Variants in DMAC1 observed in about 807,000 individuals in gnomAD.
The protein encoded by DMAC1 is distal membrane arm assembly component 1.
DMAC1 carries 10 observed loss-of-function variants against 7.0 expected under a neutral mutation model. The observed-to-expected ratio is 1.43, with a 90% CI of 0.88 to 2.43. The LOEUF (loss-of-function observed/expected upper bound fraction) is 2.43. Ranked by LOEUF, DMAC1 falls within the 30% of genes most tolerant of loss-of-function variation. The pLI is 0.00. For missense variants in DMAC1, 219 were observed against 158.7 expected, an observed-to-expected ratio of 1.38 and a Z score of -2.04; for synonymous variants, 92 against 66.2, an observed-to-expected ratio of 1.39 and a Z score of -1.90.
rs767832251 is a variant in DMAC1, at chr9:7,798,466, C to T, written c.*107G>A. On this transcript the variant is annotated 3_prime_UTR_variant, in exon 2 of 2. Coordinates refer to ENST00000358227, the MANE Select transcript of DMAC1 (RefSeq NM_033428.3). ...CTTGTAGTATCCACAGTAGTGATGTCTGTCCATGTACAAGTGTCTGTCCAG... is the reference window on the plus strand; with the variant it reads ...CTTGTAGTATCCACAGTAGTGATGTTTGTCCATGTACAAGTGTCTGTCCAG... 1.3e-5 allele frequency: 15 copies of T among 1,173,734 alleles called. No individual in the cohort carries two copies. The East Asian group carries it at 3.3e-4, about 26-fold the overall frequency. 72.7% of individuals were successfully genotyped at this position (1,173,734 alleles called of 1,614,324 possible).
In DMAC1 at chr9:7,799,630, C is replaced by G. The variant is rs747015103; in HGVS notation, c.105G>C (p.Pro35=). The G allele has an allele frequency of 6.2e-7, 1 of 1,612,958 alleles. No homozygotes were observed. The highest frequency in any genetic ancestry group is 8.5e-7 in the Non-Finnish European group (1 of 1,179,796). Reference sequence around the variant, plus strand: ...ACAGGCGGTGTTCTGCTGGGGAGGTCGGCGCTCCGGGTGTAGCTGGGGGCG... The same window carrying G: ...ACAGGCGGTGTTCTGCTGGGGAGGTGGGCGCTCCGGGTGTAGCTGGGGGCG... The part of the protein sequence containing the change: ...KPAPPATPGA[P]TSPAEHRLLK... The change falls in exon 1 of 2, where the codon CCG becomes CCC. Residue 35 remains proline, a synonymous_variant. Coordinates refer to ENST00000358227, the MANE Select transcript of DMAC1 (RefSeq NM_033428.3).
Position 7,796,967 on chromosome 9 carries a change from C to A in DMAC1, c.*1606G>T, listed in dbSNP as rs1246532231. 1 of 152,168 alleles carries A rather than the reference C, an allele frequency of 6.6e-6. No homozygotes were observed. Among genetic ancestry groups the A allele is most frequent in the Non-Finnish European group, 1.5e-5 (1 of 68,040 alleles). 9.4% of individuals were successfully genotyped at this position (152,168 alleles called of 1,614,324 possible). A position where few individuals can be genotyped will look rare whatever the true frequency, so the allele number is the denominator to read the frequency against. On this transcript the variant is annotated 3_prime_UTR_variant, in exon 2 of 2. Coordinates refer to ENST00000358227, the MANE Select transcript of DMAC1 (RefSeq NM_033428.3). ...TTCTCCACTGAGCAAATGTTCAGCG[C>A]TCTTAACTCCTGTGTTGTCCAAGGG...
Position 7,797,092 on chromosome 9 carries a change from G to C in DMAC1, c.*1481C>G, listed in dbSNP as rs1818622042. On this transcript the variant is annotated 3_prime_UTR_variant, in exon 2 of 2. Coordinates refer to ENST00000358227, the MANE Select transcript of DMAC1 (RefSeq NM_033428.3). ...TTGGTTTAACCAAAGAAAATGTTCA[G>C]GGACTAAAGCAGTCCATCAATAGAA... 6.6e-6 allele frequency: 1 copy of C among 152,170 alleles called. No individual in the cohort carries two copies. Among genetic ancestry groups the C allele is most frequent in the East Asian group, 1.9e-4 (1 of 5,198 alleles). The allele number at this position is 152,170 out of a possible 1,614,324, so 9.4% of individuals were successfully genotyped here.
Position 7,796,617 on chromosome 9 carries a change from TG to T in DMAC1, c.*1955del, listed in dbSNP as rs907562121. 28 of 152,340 alleles carry T rather than the reference TG, an allele frequency of 1.8e-4. No homozygotes were observed. The highest frequency in any genetic ancestry group is 6.7e-4 in the African/African-American group (28 of 41,576). 9.4% of individuals were successfully genotyped at this position (152,340 alleles called of 1,614,324 possible). On this transcript the variant is annotated 3_prime_UTR_variant, in exon 2 of 2. Transcript: ENST00000358227. ...TGACCCAAACAACACAGGTTTGAAC[TG>T]CGCAGGTCCACGTATCTGTGGATTT... is the stretch of plus-strand genomic sequence containing the variant.
chr9:7,796,761 A>T lies in DMAC1; in HGVS notation c.*1812T>A, dbSNP rs1012439876. 7.1e-6 allele frequency: 1 copy of T among 140,798 alleles called. No homozygotes were observed. Among genetic ancestry groups the T allele is most frequent in the Non-Finnish European group, 1.5e-5 (1 of 64,824 alleles). The allele number at this position is 140,798 out of a possible 1,614,324, so 8.7% of individuals were successfully genotyped here. A position where few individuals can be genotyped will look rare whatever the true frequency, so the allele number is the denominator to read the frequency against. ...TTCACTTCTACCTAACGAATAGTGAATATATTACTTCCTTAATAACATTTT... is the reference window on the plus strand; with the variant it reads ...TTCACTTCTACCTAACGAATAGTGATTATATTACTTCCTTAATAACATTTT... On this transcript the variant is annotated 3_prime_UTR_variant, in exon 2 of 2. Transcript: ENST00000358227.
rs1818703962 is a variant in DMAC1, at chr9:7,799,668, G to A, written c.67C>T (p.Pro23Ser). 4 of 1,607,222 alleles carry A rather than the reference G, an allele frequency of 2.5e-6. No homozygotes were observed. Among genetic ancestry groups the A allele is most frequent in the African/African-American group, 1.3e-5 (1 of 74,832 alleles). The change falls in exon 1 of 2, where the codon CCC (proline) becomes TCC (serine). Residue 23 changes from proline (P) to serine (S), a missense_variant. Physicochemically the swap from Pro to Ser is moderately conservative, Grantham distance 74. Transcript: ENST00000358227. ...GTAGCTGGGGGCGCAGGTTTGGCGG[G>A]CGCGGCGGCGGTACCGGGAGGCGCA... ...ITAPPGTAAA[P>S]AKPAPPATPG...
intron 1 of DMAC1, 62 bp downstream of exon 1, chr9:7,799,399 C>G: frequency 6.3e-7 from 1 of 1,581,542 alleles, no homozygotes; most frequent in South Asian, 1.1e-5. Context: ...CGTGGCTGCT[C>G]CGTTTCCTTC....
In DMAC1 at chr9:7,796,936, T is replaced by G. The variant is rs897466124; in HGVS notation, c.*1637A>C. The G allele has an allele frequency of 6.6e-6, 1 of 151,124 alleles. No individual in the cohort carries two copies. Among genetic ancestry groups the G allele is most frequent in the Non-Finnish European group, 1.5e-5 (1 of 67,648 alleles). 9.4% of individuals were successfully genotyped at this position (151,124 alleles called of 1,614,324 possible). On this transcript the variant is annotated 3_prime_UTR_variant, in exon 2 of 2. Transcript: ENST00000358227. Reference sequence around the variant, plus strand: ...TAAGTTTTTGAGGAGTCAGGTTATATGCAGATTCTCCACTGAGCAAATGTT... The same window carrying G: ...TAAGTTTTTGAGGAGTCAGGTTATAGGCAGATTCTCCACTGAGCAAATGTT...
At chr9:7,799,394 C>T in intron 1 of DMAC1, 67 bp downstream of exon 1, 1 of 1,568,690 alleles carries the variant, frequency 6.4e-7, no homozygotes, top group Non-Finnish European at 8.7e-7. Flanking sequence ...GCCCACGTGG[C>T]TGCTCCGTTT....
chr9:7,799,377 CCTCCCCG>C, intron 1 of DMAC1, 77 bp downstream of exon 1: 2 of 1,533,826 alleles, frequency 1.3e-6, no homozygotes, highest in South Asian at 1.2e-5. Flanking sequence ...CGCCTCCCCG[CCTCCCCG>C]CCCACGTGGC....
Position 7,799,712 on chromosome 9 carries a change from G to T in DMAC1, c.23C>A (p.Pro8His), listed in dbSNP as rs773479686. The change falls in exon 1 of 2, where the codon CCT becomes CAT. Residue 8 changes from proline (P) to histidine (H), a missense_variant. Coordinates refer to ENST00000358227, the MANE Select transcript of DMAC1 (RefSeq NM_033428.3). MGSRLSQPFESYITAPPG... is the reference protein window; with the variant it reads MGSRLSQHFESYITAPPG... ...AGGCGCAGTGATATAGGACTCAAAA[G>T]GCTGGGACAACCGAGACCCCATGCT... is the stretch of plus-strand genomic sequence containing the variant. 5 of 1,560,958 alleles carry T rather than the reference G, an allele frequency of 3.2e-6. No individual in the cohort carries two copies. The highest frequency in any genetic ancestry group is 2.3e-5 in the East Asian group (1 of 44,378).
chr9:7,799,404 T>C, intron 1 of DMAC1, 57 bp downstream of exon 1: 1 of 1,586,978 alleles, frequency 6.3e-7, no homozygotes, highest in Non-Finnish European at 8.6e-7. Context: ...CTGCTCCGTT[T>C]CCTTCCTCTA....
rs1211871090 is a variant in DMAC1 at position 7,796,881 on chromosome 9, C to T, written c.*1692G>A. 2.8e-5 allele frequency: 4 copies of T among 143,378 alleles called. No individual in the cohort carries two copies. In the East Asian group the frequency reaches 8.4e-4, roughly 30 times the overall value. The allele number at this position is 143,378 out of a possible 1,614,324, so 8.9% of individuals were successfully genotyped here. A position where few individuals can be genotyped will look rare whatever the true frequency, so the allele number is the denominator to read the frequency against. ...CAACTGCTTTATGTTATCAATAAGGCTTCCAGTCAATTGTAAACTAACTAC... is the reference window on the plus strand; with the variant it reads ...CAACTGCTTTATGTTATCAATAAGGTTTCCAGTCAATTGTAAACTAACTAC... On this transcript the variant is annotated 3_prime_UTR_variant, in exon 2 of 2. Transcript: ENST00000358227.
Position 7,799,759 on chromosome 9 carries a change from G to T in DMAC1, c.-25C>A. 1 of 1,500,546 alleles carries T rather than the reference G, an allele frequency of 6.7e-7. No homozygotes were observed. Among genetic ancestry groups the T allele is most frequent in the Non-Finnish European group, 8.8e-7 (1 of 1,130,610 alleles). 93.0% of individuals were successfully genotyped at this position (1,500,546 alleles called of 1,614,324 possible). The stretch of plus-strand genomic sequence containing the variant: ...TGCTCTGGAACTCGGCCTCAACCTT[G>T]GGCGTCTTTGGTTCAAACTGGCGTA... On this transcript the variant is annotated 5_prime_UTR_variant, in exon 1 of 2. Coordinates refer to ENST00000358227, the MANE Select transcript of DMAC1 (RefSeq NM_033428.3).
Position 7,799,479 on chromosome 9 carries a change from GCGTAATGGTCCATGGACT to G in DMAC1, c.238_255del (p.Ser80_Thr85del). On this transcript the variant is annotated inframe_deletion, in exon 1 of 2. Transcript: ENST00000358227. ...TTCTCACTGAGGCCGATGACCATCT[GCGTAATGGTCCATGGACT>G]CGGGGGGTATCCCATCTTCATGGGC... 5.0e-6 allele frequency: 8 copies of G among 1,612,894 alleles called. No individual in the cohort carries two copies. The highest frequency in any genetic ancestry group is 5.9e-6 in the Non-Finnish European group (7 of 1,180,014).
At position 7,796,526 on chromosome 9, in the gene DMAC1, AG is replaced by A. The variant is rs1348573154; in HGVS notation, c.*2046del. 1 of 152,238 alleles carries A rather than the reference AG, an allele frequency of 6.6e-6. No individual in the cohort carries two copies. Among genetic ancestry groups the A allele is most frequent in the Non-Finnish European group, 1.5e-5 (1 of 68,046 alleles). The allele number at this position is 152,238 out of a possible 1,614,324, so 9.4% of individuals were successfully genotyped here. ...TAATGGTGAGCAGGCAGGTTTATTC[AG>A]AAAAAGCTCAGATTCATACTCGTAA... On this transcript the variant is annotated 3_prime_UTR_variant, in exon 2 of 2. Coordinates refer to ENST00000358227, the MANE Select transcript of DMAC1 (RefSeq NM_033428.3).
At chr9:7,798,710 C>A in intron 1 of DMAC1, 73 bp from the exon 2 acceptor site, 1 of 1,262,686 alleles carries the variant, frequency 7.9e-7, no homozygotes, top group Non-Finnish European at 1.1e-6. Flanking sequence ...TATACGCCAT[C>A]TTATTTAACC....
At position 7,799,467 on chromosome 9, in the gene DMAC1, C is replaced by G. The variant is rs1403180730; in HGVS notation, c.268G>C (p.Gly90Arg). The change falls in exon 1 of 2, where the codon GGC becomes CGC. Residue 90 changes from glycine (G) to arginine (R), a missense_variant. Physicochemically the swap from Gly to Arg is moderately radical, Grantham distance 125. Coordinates refer to ENST00000358227, the MANE Select transcript of DMAC1 (RefSeq NM_033428.3). ...SPWTITQMVI[G>R]LSIATWGIVV... ...GCTGTGCCTTGATTCTCACTGAGGC[C>G]GATGACCATCTGCGTAATGGTCCAT... The G allele has an allele frequency of 1.9e-6, 3 of 1,612,520 alleles. No individual in the cohort carries two copies. The African/African-American group carries it at 4.0e-5, about 22-fold the overall frequency.
Position 7,798,477 on chromosome 9 carries a change from C to G in DMAC1, c.*96G>C, listed in dbSNP as rs753385463. On this transcript the variant is annotated 3_prime_UTR_variant, in exon 2 of 2. Coordinates refer to ENST00000358227, the MANE Select transcript of DMAC1 (RefSeq NM_033428.3). ...CACAGTAGTGATGTCTGTCCATGTA[C>G]AAGTGTCTGTCCAGAACACCCATTA... The G allele has an allele frequency of 1.5e-4, 195 of 1,285,508 alleles. No homozygotes were observed. Among genetic ancestry groups the G allele is most frequent in the Non-Finnish European group, 2.1e-4 (181 of 880,276 alleles). The allele number at this position is 1,285,508 out of a possible 1,614,324, so 79.6% of individuals were successfully genotyped here. A position where few individuals can be genotyped will look rare whatever the true frequency, so the allele number is the denominator to read the frequency against.
Sources: allele counts gnomAD v4.1 joint callset, GRCh38; gene constraint gnomAD v4.1.1; transcripts MANE v1.5; gene names NCBI Gene and HGNC (gene_info 2026-07-23, HGNC 2026-07-21).